Variants in LIMK2 observed in about 807,000 individuals in gnomAD.
The protein encoded by LIMK2 is LIM domain kinase 2.
A neutral mutation model predicts 75.7 loss-of-function variants in LIMK2; 35 were observed. That is an observed-to-expected ratio of 0.46 (90% CI 0.35 to 0.61). The LOEUF (loss-of-function observed/expected upper bound fraction) is 0.61. LIMK2 is among the 20% of genes least tolerant of loss of function. LIMK2 has a pLI of 0.00. For synonymous variants in LIMK2, 301 were observed against 319.2 expected, an observed-to-expected ratio of 0.94 and a Z score of 0.61; for missense variants, 623 against 831.0, an observed-to-expected ratio of 0.75 and a Z score of 3.08.
At chr22:31,265,394 C>T (rs768501299) in intron 7 of LIMK2, among the ~76,000 whole-genome samples, 11 of 151,222 alleles carry the variant, frequency 7.3e-5, no homozygotes, top group Non-Finnish European at 1.5e-5. Flanking sequence ...AATAACTAGC[C>T]GGGCCTGGTG....
intron 2 of LIMK2, among the ~76,000 whole-genome samples, chr22:31,246,269 T>G (rs1601418636): frequency 6.8e-6 from 1 of 147,404 alleles, no homozygotes; most frequent in Non-Finnish European, 1.5e-5. Context: ...GAGGCTTAGG[T>G]AGGAGGATCA....
chr22:31,259,280 G>A (rs778831382), intron 4 of LIMK2, 50 bp downstream of exon 4: 6 of 1,207,744 alleles, frequency 5.0e-6, no homozygotes, highest in African/African-American at 3.0e-5. Context: ...AGTGGCTGGC[G>A]GGGAGGGACA....
At chr22:31,221,666 G>A (rs1321628576) in intron 1 of LIMK2, among the ~76,000 whole-genome samples, 1 of 151,868 alleles carries the variant, frequency 6.6e-6, no homozygotes, top group Non-Finnish European at 1.5e-5. Flanking sequence ...TGTATTTGTA[G>A]TAGAGACAAG....
At position 31,249,505 on chromosome 22, in the gene LIMK2, C is replaced by A. The variant is rs141208572; in HGVS notation, c.117-8786C>A. Among the ~76,000 whole-genome samples the A allele has an allele frequency of 2.9e-3, 447 of 152,268 alleles. 6 individuals carry two copies. The highest frequency in any genetic ancestry group is 4.6e-3 in the Non-Finnish European group (313 of 68,008). On this transcript the variant is annotated intron_variant, in intron 2 of 15. Transcript: ENST00000331728. ...GAAACTCTACCTCTAACCTGGCTTT[C>A]TTTGCTCATTGCCCCACTCCACCTC...
chr22:31,238,056 A>G (rs1429487847), intron 2 of LIMK2, among the ~76,000 whole-genome samples: 1 of 143,716 alleles, frequency 7.0e-6, no homozygotes, highest in Non-Finnish European at 1.5e-5. Flanking sequence ...TGGAGGTTGT[A>G]GTGAGCCGAG....
chr22:31,263,073 A>G (rs1357836454), intron 7 of LIMK2, among the ~76,000 whole-genome samples: 8 of 152,276 alleles, frequency 5.3e-5, no homozygotes, highest in Admixed American at 4.6e-4. Flanking sequence ...CTGAAGGGCA[A>G]CATGGCCTAT....
At chr22:31,226,600 C>CATTATTATT (rs1568984111) in intron 2 of LIMK2, among the ~76,000 whole-genome samples, 1 of 141,744 alleles carries the variant, frequency 7.1e-6, no homozygotes, top group Non-Finnish European at 1.6e-5. Context: ...ATTATAGCTA[C>CATTATTATT]ATTATTATTA....
chr22:31,234,002 T>G lies in LIMK2; in HGVS notation c.116+8183T>G, dbSNP rs530859985. Among the ~76,000 whole-genome samples the G allele has an allele frequency of 3.3e-5, 5 of 151,526 alleles. No homozygotes were observed. The South Asian group carries it at 8.4e-4, about 25-fold the overall frequency. On this transcript the variant is annotated intron_variant, in intron 2 of 15. Coordinates refer to ENST00000331728, the MANE Select transcript of LIMK2 (RefSeq NM_005569.4). ...TTCTCTATAGAGCAGTTGGAAGGAGTGATTTTTGTTGTTTGTTTTGTTTTG... is the reference window on the plus strand; with the variant it reads ...TTCTCTATAGAGCAGTTGGAAGGAGGGATTTTTGTTGTTTGTTTTGTTTTG...
chr22:31,234,509 T>A (rs971790164), intron 2 of LIMK2, among the ~76,000 whole-genome samples: 2 of 150,428 alleles, frequency 1.3e-5, no homozygotes, highest in Non-Finnish European at 3.0e-5. Flanking sequence ...GATCATGAAG[T>A]CAAGAGATTG....
intron 11 of LIMK2, 111 bp downstream of exon 11, chr22:31,268,311 G>A: frequency 2.3e-6 from 2 of 863,964 alleles, no homozygotes; most frequent in South Asian, 1.3e-5. Flanking sequence ...TGTGGGCTGG[G>A]TCAGCAGCTA....
At chr22:31,260,116 C>G (rs781013602) in intron 5 of LIMK2, 39 bp downstream of exon 5, 1 of 1,496,452 alleles carries the variant, frequency 6.7e-7, no homozygotes. Flanking sequence ...GGTTCTTGAG[C>G]AGAGTCTGTA....
intron 2 of LIMK2, among the ~76,000 whole-genome samples, chr22:31,247,537 C>T (rs1180416109): frequency 1.3e-5 from 2 of 152,188 alleles, no homozygotes; most frequent in Admixed American, 1.3e-4. Flanking sequence ...GTAACCTGGG[C>T]TCCATCCTAT....
At position 31,262,589 on chromosome 22, in the gene LIMK2, C is replaced by G. The variant is rs781345758; in HGVS notation, c.658-6C>G. On this transcript the variant is annotated splice_polypyrimidine_tract_variant and splice_region_variant and intron_variant, in intron 6 of 15. Transcript: ENST00000331728. This position sits in a 1 kb window ranked among gnomAD's most constrained non-coding sequence, Gnocchi z 5.0. ...TGTGGGAGCTTTATACTGCTCTTGG[C>G]CACAGGTGGAGGATGCAATTAGCCA... 2.7e-5 allele frequency: 44 copies of G among 1,607,230 alleles called. No individual in the cohort carries two copies. The highest frequency in any genetic ancestry group is 2.7e-4 in the Admixed American group (16 of 59,604).
At chr22:31,251,336 G>A (rs2048723555) in intron 2 of LIMK2, among the ~76,000 whole-genome samples, 1 of 152,188 alleles carries the variant, frequency 6.6e-6, no homozygotes, top group African/African-American at 2.4e-5. Flanking sequence ...TGTTTAAAGG[G>A]AAAAAATTAT....
rs1340255496 is a variant in LIMK2, at chr22:31,224,379, A to G, written c.17-1341A>G. Among the ~76,000 whole-genome samples, 3 of 152,142 alleles carry G rather than the reference A, an allele frequency of 2.0e-5. No homozygotes were observed. The East Asian group carries it at 5.8e-4, about 29-fold the overall frequency. On this transcript the variant is annotated intron_variant, in intron 1 of 15. Coordinates refer to ENST00000331728, the MANE Select transcript of LIMK2 (RefSeq NM_005569.4). Reference sequence around the variant, plus strand: ...CTCAGCTCAAGTGTCAGCTTCCTCTACAAAGACTTTCCTGGTTCCCCTCAT... The same window carrying G: ...CTCAGCTCAAGTGTCAGCTTCCTCTGCAAAGACTTTCCTGGTTCCCCTCAT...
chr22:31,245,738 C>T lies in LIMK2; in HGVS notation c.117-12553C>T, dbSNP rs1425469091. ...ATAGGCATGAGCCACTATGCCTGGC[C>T]TATATGACCTGTGATTTTTAATGGT... On this transcript the variant is annotated intron_variant, in intron 2 of 15. Coordinates refer to ENST00000331728, the MANE Select transcript of LIMK2 (RefSeq NM_005569.4). 2.6e-5 allele frequency among the ~76,000 whole-genome samples: 4 copies of T among 152,056 alleles called. No homozygotes were observed. The East Asian group carries it at 5.8e-4, about 22-fold the overall frequency.
intron 1 of LIMK2, among the ~76,000 whole-genome samples, chr22:31,215,589 T>C (rs1280525108): frequency 1.3e-5 from 2 of 152,220 alleles, no homozygotes; most frequent in Non-Finnish European, 2.9e-5. Context: ...CTTTCCAGTA[T>C]TCCAGGCTGC....
At chr22:31,239,800 G>T (rs909577928) in intron 2 of LIMK2, among the ~76,000 whole-genome samples, 4 of 152,176 alleles carry the variant, frequency 2.6e-5, no homozygotes, top group African/African-American at 9.7e-5. Context: ...CAGAGTGTTT[G>T]CTGGGTGAAT....
At chr22:31,238,086 G>A (rs912784149) in intron 2 of LIMK2, among the ~76,000 whole-genome samples, 4 of 142,698 alleles carry the variant, frequency 2.8e-5, no homozygotes, top group African/African-American at 1.1e-4. Context: ...CTGCACTTCA[G>A]CCTGGGTGAC....
Sources: gnomAD v4.1 joint callset for allele counts (sites outside exome capture counted in the v4.1 genomes callset) on GRCh38, gnomAD v4.1.1 for gene constraint, Gnocchi (gnomAD v3.1) non-coding constraint, MANE v1.5 for transcripts, NCBI Gene and HGNC (gene_info 2026-07-23, HGNC 2026-07-21) for gene names.